Variants in YAP1 observed in about 807,000 individuals in gnomAD.
YAP1 encodes the protein transcriptional coactivator YAP1.
In YAP1, 5 loss-of-function variants were observed where a neutral mutation model predicts 56.9. That is an observed-to-expected ratio of 0.09 (90% CI 0.05 to 0.18). YAP1 has a LOEUF of 0.18. Among genes scored for constraint, YAP1 ranks in the 10% least tolerant of loss-of-function variants. The pLI, the probability that YAP1 is intolerant of heterozygous loss-of-function variation, is 1.00. For missense variants in YAP1, 539 were observed against 651.8 expected (o/e 0.83, Z 1.88); for synonymous variants, 265 against 248.1 (o/e 1.07, Z -0.64).
Position 102,110,567 on chromosome 11 carries a change from G to A in YAP1, c.-282G>A, listed in dbSNP as rs1942820754. The A allele has an allele frequency of 9.7e-6, 2 of 206,674 alleles. No homozygotes were observed. Among genetic ancestry groups the A allele is most frequent in the Non-Finnish European group, 1.9e-5 (2 of 104,530 alleles). 12.8% of individuals were successfully genotyped at this position (206,674 alleles called of 1,614,324 possible). On this transcript the variant is annotated 5_prime_UTR_variant, in exon 1 of 9. Transcript: ENST00000282441. ...GAGCTGTCCGGCCTCCGTCAAGGGA[G>A]TTGGAGGGAAAAAGTTCTCAGGCGC...
chr11:102,123,413 G>T (rs895445719), intron 2 of YAP1, among the ~76,000 whole-genome samples: 5 of 151,994 alleles, frequency 3.3e-5, no homozygotes, highest in African/African-American at 4.8e-5. Context: ...CACTCTTATG[G>T]GTTGGGTACC....
intron 5 of YAP1, among the ~76,000 whole-genome samples, chr11:102,206,522 A>T (rs1342706567): frequency 6.6e-6 from 1 of 152,188 alleles, no homozygotes. Flanking sequence ...GGTATTACCG[A>T]ATCTAAGAAT....
intron 2 of YAP1, among the ~76,000 whole-genome samples, chr11:102,124,173 G>C (rs1027131658): frequency 6.6e-6 from 1 of 150,870 alleles, no homozygotes; most frequent in East Asian, 2.0e-4. Flanking sequence ...GGTTGGTCTC[G>C]AACTCCTGAC....
chr11:102,112,425 C>CTTTTTTTTT (rs751339753), intron 1 of YAP1: 6 of 827,370 alleles, frequency 7.3e-6, no homozygotes, highest in African/African-American at 2.4e-5. Flanking sequence ...ATTTCTTCTT[C>CTTTTTTTTT]TTTTTTTTTT....
chr11:102,222,705 C>T lies in YAP1; in HGVS notation c.1033-917C>T, dbSNP rs540855966. 2.6e-5 allele frequency among the ~76,000 whole-genome samples: 4 copies of T among 152,212 alleles called. No individual in the cohort carries two copies. In the South Asian group the frequency reaches 8.3e-4, roughly 32 times the overall value. ...CTGATGTCTTTTTTTCATTTTCCTC[C>T]TCTCTCCCTGCTAGAGGATGGAACA... On this transcript the variant is annotated intron_variant, in intron 6 of 8. Coordinates refer to ENST00000282441, the MANE Select transcript of YAP1 (RefSeq NM_001130145.3).
At chr11:102,158,507 GCCTGAGTTTCTGCAGTTTTA>G (rs1400987632) in intron 2 of YAP1, among the ~76,000 whole-genome samples, 5 of 152,196 alleles carry the variant, frequency 3.3e-5, no homozygotes, top group Admixed American at 3.3e-4. Context: ...GTTGGGTGGA[GCCTGAGTTTCTGCAGTTTTA>G]ACTAGCTCCT....
At chr11:102,136,031 C>CTCTG (rs1308673813) in intron 2 of YAP1, among the ~76,000 whole-genome samples, 1 of 152,162 alleles carries the variant, frequency 6.6e-6, no homozygotes, top group Non-Finnish European at 1.5e-5. Flanking sequence ...GCAAGGATTT[C>CTCTG]TCTGTGTACA....
intron 2 of YAP1, among the ~76,000 whole-genome samples, chr11:102,116,264 T>C (rs535131331): frequency 6.6e-6 from 1 of 152,348 alleles, no homozygotes; most frequent in East Asian, 1.9e-4. Context: ...CTTTACGTTG[T>C]ATTAAGTATT....
rs115401408 is a variant in YAP1, at chr11:102,184,106, A to G, written c.689-1912A>G. 2.6e-3 allele frequency among the ~76,000 whole-genome samples: 387 copies of G among 150,990 alleles called. 1 individual carries two copies. Among genetic ancestry groups the G allele is most frequent in the African/African-American group, 9.0e-3 (370 of 41,220 alleles). ...AAAAAAAAAAAAAAAGAAAGCTACA[A>G]TGAGATCTTGGGGTTGTTGAGTTGA... On this transcript the variant is annotated intron_variant, in intron 3 of 8. Transcript: ENST00000282441.
intron 1 of YAP1, among the ~76,000 whole-genome samples, chr11:102,113,074 C>G (rs1267614936): frequency 6.6e-6 from 1 of 152,152 alleles, no homozygotes; most frequent in Non-Finnish European, 1.5e-5. Flanking sequence ...CTAAATCATA[C>G]TTATTCTGAT....
intron 4 of YAP1, among the ~76,000 whole-genome samples, chr11:102,191,738 C>T (rs1948295395): frequency 6.6e-6 from 1 of 152,096 alleles, no homozygotes; most frequent in South Asian, 2.1e-4. Context: ...TAGAGTGCAG[C>T]ATGGCTCAAT....
chr11:102,222,649 G>T (rs1335183824), intron 6 of YAP1, among the ~76,000 whole-genome samples: 1 of 152,170 alleles, frequency 6.6e-6, no homozygotes, highest in Non-Finnish European at 1.5e-5. Flanking sequence ...TATGTTTGTG[G>T]TGGAGAAGCC....
chr11:102,176,745 CAAAAAAAAAAAAAAAAA>C (rs57082707), intron 3 of YAP1, among the ~76,000 whole-genome samples: 25 of 45,512 alleles, frequency 5.5e-4, no homozygotes, highest in East Asian at 1.7e-3. Context: ...GACTCCGTCT[CAAAAAAAAAAAAAAAAA>C]AAAAAAAAAA....
At chr11:102,201,729 A>G (rs1948870703) in intron 4 of YAP1, among the ~76,000 whole-genome samples, 1 of 152,182 alleles carries the variant, frequency 6.6e-6, no homozygotes, top group Non-Finnish European at 1.5e-5. Context: ...AAATCAAAGT[A>G]AAAACCATGC....
At position 102,114,497 on chromosome 11, in the gene YAP1, T is replaced by C. The variant is rs551655852; in HGVS notation, c.572+103T>C. On this transcript the variant is annotated intron_variant, in intron 2 of 8. Transcript: ENST00000282441. The stretch of plus-strand genomic sequence containing the variant: ...ACAGAATATCATTTATTTTTATGTT[T>C]TATTTAATATTTATGTTAAGCTCTG... 2.0e-4 allele frequency: 266 copies of C among 1,349,202 alleles called. 1 individual carries two copies. In the South Asian group the frequency reaches 3.8e-3, roughly 19 times the overall value. 83.6% of individuals were successfully genotyped at this position (1,349,202 alleles called of 1,614,324 possible).
chr11:102,116,322 G>T (rs1482968759), intron 2 of YAP1, among the ~76,000 whole-genome samples: 1 of 152,102 alleles, frequency 6.6e-6, no homozygotes, highest in Non-Finnish European at 1.5e-5. Flanking sequence ...ATATGTATAG[G>T]TTATATGCAA....
intron 8 of YAP1, 136 bp downstream of exon 8, chr11:102,227,717 C>A (rs1950260079): frequency 1.5e-6 from 1 of 648,900 alleles, no homozygotes; most frequent in Admixed American, 2.5e-5. Context: ...TTAAATTGAT[C>A]CTGCTTTGTC....
At chr11:102,111,417 C>T (rs1217636715) in intron 1 of YAP1, among the ~76,000 whole-genome samples, 1 of 152,076 alleles carries the variant, frequency 6.6e-6, no homozygotes, top group Non-Finnish European at 1.5e-5. Flanking sequence ...CGGTTGCAGC[C>T]CCGGGGGGCG....
At chr11:102,157,334 T>C (rs915538729) in intron 2 of YAP1, among the ~76,000 whole-genome samples, 1 of 152,192 alleles carries the variant, frequency 6.6e-6, no homozygotes. Flanking sequence ...AAGGATTAGA[T>C]TGAACAATGT....
Sources: allele counts gnomAD v4.1 joint callset (sites outside exome capture counted in the v4.1 genomes callset), GRCh38; gene constraint gnomAD v4.1.1; transcripts MANE v1.5; gene names NCBI Gene and HGNC (gene_info 2026-07-23, HGNC 2026-07-21).